The following LGSN variants were observed in gnomAD, a reference collection of about 807,000 sequenced individuals.
The protein encoded by LGSN is lengsin.
In LGSN, 21 loss-of-function variants were observed where a neutral mutation model predicts 19.5. The ratio of observed to expected loss-of-function variants is 1.07; its 90% CI spans 0.76 to 1.55. The LOEUF (loss-of-function observed/expected upper bound fraction) is 1.55, where lower values mean the gene tolerates loss of function less well. Among genes scored for constraint, LGSN ranks in the 40% most tolerant of loss-of-function variants. The pLI, the probability that LGSN is intolerant of heterozygous loss-of-function variation, is 0.00. For missense variants in LGSN, 673 were observed against 608.5 expected, an observed-to-expected ratio of 1.11 and a Z score of -1.12; for synonymous variants, 257 against 215.6, an observed-to-expected ratio of 1.19 and a Z score of -1.68.
chr6:63,454,798 T>TC, the LGSN span, among the ~76,000 whole-genome samples: 27 of 133,610 alleles, frequency 2.0e-4, no homozygotes, highest in African/African-American at 5.3e-4. Flanking sequence ...TTTTTCTTTT[T>TC]TTTTTTTTTT....
At chr6:63,332,744 C>T in the LGSN span, among the ~76,000 whole-genome samples, 7 of 152,218 alleles carry the variant, frequency 4.6e-5, no homozygotes, top group South Asian at 1.5e-3. Flanking sequence ...GTACTCACTG[C>T]TTGGTGATAG....
chr6:63,365,516 G>A, the LGSN span, among the ~76,000 whole-genome samples: 15 of 152,154 alleles, frequency 9.9e-5, no homozygotes, highest in African/African-American at 3.4e-4. Context: ...GTACAAAGAG[G>A]AGTTGGTACC....
chr6:63,370,677 G>A, the LGSN span, among the ~76,000 whole-genome samples: 1 of 152,180 alleles, frequency 6.6e-6, no homozygotes, highest in African/African-American at 2.4e-5. Flanking sequence ...CCCAGCTGAG[G>A]CCTGGGCAGG....
Position 63,280,848 on chromosome 6 carries a change from G to C in LGSN, c.703C>G (p.His235Asp), listed in dbSNP as rs752443943. 1 of 1,613,922 alleles carries C rather than the reference G, an allele frequency of 6.2e-7. No homozygotes were observed. Among genetic ancestry groups the C allele is most frequent in the East Asian group, 2.2e-5 (1 of 44,872 alleles). Residue 235 changes from histidine to aspartate, a missense_variant, in exon 4 of 4, where the codon CAT (histidine) becomes GAT (aspartate). By Grantham distance (81) the His-to-Asp change is moderately conservative. Coordinates refer to ENST00000370657, the MANE Select transcript of LGSN (RefSeq NM_016571.3). ...SFPALTFLNN[H>D]DQPFMQELVD... Reference sequence around the variant, plus strand: ...AGTTCCTGCATGAAGGGCTGATCATGGTTATTTAAAAATGTTAAAGCAGGA... The same window carrying C: ...AGTTCCTGCATGAAGGGCTGATCATCGTTATTTAAAAATGTTAAAGCAGGA...
the LGSN span, among the ~76,000 whole-genome samples, chr6:63,529,201 A>T: frequency 2.7e-5 from 4 of 148,812 alleles, no homozygotes; most frequent in Admixed American, 2.0e-4. Context: ...GTATATATAT[A>T]TATGTATATA....
the LGSN span, among the ~76,000 whole-genome samples, chr6:63,567,630 T>C: frequency 9.2e-5 from 14 of 152,200 alleles, no homozygotes; most frequent in African/African-American, 2.7e-4. Flanking sequence ...TTCAGAATGG[T>C]AAATGAACAT....
chr6:63,392,832 T>C, the LGSN span, among the ~76,000 whole-genome samples: 7 of 151,746 alleles, frequency 4.6e-5, no homozygotes. Flanking sequence ...CAGACATTGA[T>C]TGGCAGTTGT....
the LGSN span, among the ~76,000 whole-genome samples, chr6:63,477,643 C>CT: frequency 0.47 from 57,012 of 120,886 alleles, 14,462 homozygotes; most frequent in Middle Eastern, 0.59. Flanking sequence ...GGTTTTCATC[C>CT]TTTTTTTTTT....
chr6:63,472,849 G>A, the LGSN span, among the ~76,000 whole-genome samples: 3 of 152,050 alleles, frequency 2.0e-5, no homozygotes, highest in African/African-American at 4.8e-5. Context: ...GCTGAGGCAG[G>A]AGAATGGCAT....
At chr6:63,454,793 C>CTTT in the LGSN span, among the ~76,000 whole-genome samples, 27,835 of 91,498 alleles carry the variant, frequency 0.3, 4,933 homozygotes, top group East Asian at 0.44. Context: ...TTTTCTTTTT[C>CTTT]TTTTTTTTTT....
chr6:63,388,042 T>A, the LGSN span, among the ~76,000 whole-genome samples: 28 of 138,818 alleles, frequency 2.0e-4, no homozygotes, highest in Non-Finnish European at 1.5e-4. Context: ...ATTTTTTTGT[T>A]TTTTTTTTTT....
chr6:63,572,778 C>A, the LGSN span: 2 of 398,338 alleles, frequency 5.0e-6, no homozygotes, highest in Non-Finnish European at 4.4e-6. Context: ...GCCCCCCATC[C>A]CCGCTGTCGC....
chr6:63,511,246 C>CTTTT, the LGSN span, among the ~76,000 whole-genome samples: 24 of 131,470 alleles, frequency 1.8e-4, no homozygotes, highest in Non-Finnish European at 3.5e-4. Flanking sequence ...AAATAGATTT[C>CTTTT]TTTTTTTTTT....
At chr6:63,357,705 T>A in the LGSN span, among the ~76,000 whole-genome samples, 4 of 151,368 alleles carry the variant, frequency 2.6e-5, no homozygotes, top group East Asian at 7.7e-4. Context: ...TAAATTTGTT[T>A]GAGTTCATTG....
chr6:63,555,766 T>C, the LGSN span, among the ~76,000 whole-genome samples: 1 of 150,328 alleles, frequency 6.7e-6, no homozygotes, highest in Admixed American at 6.7e-5. Flanking sequence ...TGATCCCGGC[T>C]CACTGCAACT....
At chr6:63,300,942 G>A (rs1768155281) in intron 1 of LGSN, among the ~76,000 whole-genome samples, 1 of 152,164 alleles carries the variant, frequency 6.6e-6, no homozygotes, top group Non-Finnish European at 1.5e-5. Flanking sequence ...TACACTGGAA[G>A]TTAGAATTAC....
At chr6:63,360,835 G>A in the LGSN span, among the ~76,000 whole-genome samples, 1 of 152,176 alleles carries the variant, frequency 6.6e-6, no homozygotes, top group Non-Finnish European at 1.5e-5. Context: ...TGGGGTTTTG[G>A]TGTGGATGTC....
intron 2 of LGSN, among the ~76,000 whole-genome samples, chr6:63,292,724 C>T (rs956253498): frequency 2.0e-5 from 3 of 152,224 alleles, no homozygotes; most frequent in Non-Finnish European, 4.4e-5. Flanking sequence ...GACAAGTGAA[C>T]ATTCTGTGCT....
the LGSN span, among the ~76,000 whole-genome samples, chr6:63,454,995 G>T: frequency 3.3e-5 from 5 of 149,942 alleles, no homozygotes; most frequent in Admixed American, 6.7e-5. Context: ...GTTTCACCAC[G>T]TTGGCCAGGC....
Sources: gnomAD v4.1 joint callset for allele counts (sites outside exome capture counted in the v4.1 genomes callset) on GRCh38, gnomAD v4.1.1 for gene constraint, MANE v1.5 for transcripts, NCBI Gene and HGNC (gene_info 2026-07-23, HGNC 2026-07-21) for gene names.